SEMA5A: variants seen among roughly 807,000 people sequenced by gnomAD.
The protein encoded by SEMA5A is semaphorin 5A.
SEMA5A carries 55 observed loss-of-function variants against 135.5 expected under a neutral mutation model. The observed-to-expected ratio is 0.41, with a 90% CI of 0.33 to 0.51. The LOEUF is 0.51. Among genes scored for constraint, SEMA5A ranks in the 20% least tolerant of loss-of-function variants. SEMA5A has a pLI of 0.37. For missense variants in SEMA5A, 1,290 were observed against 1,419.9 expected (o/e 0.91, Z 1.47); for synonymous variants, 580 against 546.5 (o/e 1.06, Z -0.85).
At chr5:9,159,348 C>T (rs562708185) in intron 11 of SEMA5A, among the ~76,000 whole-genome samples, 9 of 152,146 alleles carry the variant, frequency 5.9e-5, no homozygotes, top group South Asian at 2.1e-4. Context: ...GGTAGTTGTG[C>T]TTTGATTGCA....
chr5:9,158,416 A>G (rs528929774), intron 11 of SEMA5A, among the ~76,000 whole-genome samples: 182 of 152,174 alleles, frequency 1.2e-3, no homozygotes, highest in African/African-American at 4.2e-3. Context: ...GAAATTTAAT[A>G]CTCTAACCAA....
intron 2 of SEMA5A, among the ~76,000 whole-genome samples, chr5:9,431,238 G>C (rs1377434678): frequency 2.0e-5 from 3 of 152,054 alleles, no homozygotes. Flanking sequence ...GCTGTGATAA[G>C]GGTACCCCAA....
chr5:9,368,489 C>T (rs1755006316), intron 3 of SEMA5A, among the ~76,000 whole-genome samples: 3 of 152,192 alleles, frequency 2.0e-5, no homozygotes, highest in East Asian at 1.9e-4. Context: ...AACCTGTCAC[C>T]ACCTCTTCAT....
At chr5:9,057,239 T>A (rs1016829241) in intron 18 of SEMA5A, among the ~76,000 whole-genome samples, 2 of 152,220 alleles carry the variant, frequency 1.3e-5, no homozygotes, top group African/African-American at 4.8e-5. Flanking sequence ...AATACCGTAT[T>A]GTGCACTCAA....
At chr5:9,354,032 A>T (rs1754334540) in intron 3 of SEMA5A, among the ~76,000 whole-genome samples, 1 of 152,032 alleles carries the variant, frequency 6.6e-6, no homozygotes, top group South Asian at 2.1e-4. Flanking sequence ...TTTATTTCCA[A>T]CAGAGGTGGA....
intron 2 of SEMA5A, among the ~76,000 whole-genome samples, chr5:9,419,501 G>C (rs1475439724): frequency 6.6e-6 from 1 of 152,184 alleles, no homozygotes; most frequent in African/African-American, 2.4e-5. Flanking sequence ...CTGAGCTCAG[G>C]ATGAAAGAGG....
intron 1 of SEMA5A, among the ~76,000 whole-genome samples, chr5:9,504,685 A>G (rs921184718): frequency 3.3e-5 from 5 of 152,238 alleles, no homozygotes; most frequent in African/African-American, 1.2e-4. Flanking sequence ...TGAGTACATG[A>G]GGCTGAAGGA....
At chr5:9,179,750 T>C (rs1252286547) in intron 11 of SEMA5A, among the ~76,000 whole-genome samples, 1 of 152,162 alleles carries the variant, frequency 6.6e-6, no homozygotes, top group Non-Finnish European at 1.5e-5. Flanking sequence ...AAAGAACTAA[T>C]TGTGTTCATG....
chr5:9,125,784 C>T (rs1318821805), intron 13 of SEMA5A, among the ~76,000 whole-genome samples: 1 of 152,068 alleles, frequency 6.6e-6, no homozygotes, highest in Admixed American at 6.5e-5. Context: ...GACAACGTGA[C>T]TCAAGCCACT....
chr5:9,455,447 G>A (rs1022170130), intron 1 of SEMA5A, among the ~76,000 whole-genome samples: 1 of 151,726 alleles, frequency 6.6e-6, no homozygotes, highest in Non-Finnish European at 1.5e-5. Flanking sequence ...TAGTAGAGAC[G>A]GGGTTTCACC....
chr5:9,189,290 A>G (rs1744968301), intron 11 of SEMA5A, among the ~76,000 whole-genome samples: 2 of 152,168 alleles, frequency 1.3e-5, no homozygotes, highest in African/African-American at 4.8e-5. Flanking sequence ...CTAGAACGTA[A>G]GGTCCAGCAG....
intron 1 of SEMA5A, among the ~76,000 whole-genome samples, chr5:9,538,646 G>A (rs1737909385): frequency 6.6e-6 from 1 of 152,216 alleles, no homozygotes; most frequent in African/African-American, 2.4e-5. Context: ...AACATTCAGC[G>A]GCGAGGCTGG....
At chr5:9,165,511 C>T (rs1163106369) in intron 11 of SEMA5A, among the ~76,000 whole-genome samples, 2 of 152,134 alleles carry the variant, frequency 1.3e-5, no homozygotes, top group Non-Finnish European at 2.9e-5. Flanking sequence ...AGACAAGTGG[C>T]ACCCCTGACA....
At chr5:9,287,409 A>T (rs1561109759) in intron 5 of SEMA5A, among the ~76,000 whole-genome samples, 1 of 152,192 alleles carries the variant, frequency 6.6e-6, no homozygotes, top group Non-Finnish European at 1.5e-5. Flanking sequence ...CCTAAAGCTG[A>T]GTATTTCTTT....
At chr5:9,167,345 G>T (rs1209491418) in intron 11 of SEMA5A, among the ~76,000 whole-genome samples, 1 of 152,074 alleles carries the variant, frequency 6.6e-6, no homozygotes, top group Non-Finnish European at 1.5e-5. Context: ...CAGGCGTACC[G>T]CATGCAACTA....
chr5:9,231,392 A>C (rs974712750), intron 6 of SEMA5A, among the ~76,000 whole-genome samples: 2 of 142,658 alleles, frequency 1.4e-5, no homozygotes, highest in African/African-American at 5.2e-5. Flanking sequence ...TCTTGAACTC[A>C]GGAGGCGGAG....
At chr5:9,117,547 A>G (rs999235294) in intron 15 of SEMA5A, among the ~76,000 whole-genome samples, 1 of 152,244 alleles carries the variant, frequency 6.6e-6, no homozygotes, top group African/African-American at 2.4e-5. Flanking sequence ...CAAAGGCTGG[A>G]TGTAGTTTTA....
At chr5:9,277,509 T>G (rs948855872) in intron 5 of SEMA5A, among the ~76,000 whole-genome samples, 5 of 152,194 alleles carry the variant, frequency 3.3e-5, no homozygotes, top group African/African-American at 1.2e-4. Flanking sequence ...TAAAGACACA[T>G]GCACACATAT....
intron 8 of SEMA5A, among the ~76,000 whole-genome samples, chr5:9,218,884 A>G (rs947120233): frequency 6.6e-6 from 1 of 152,244 alleles, no homozygotes; most frequent in Non-Finnish European, 1.5e-5. Context: ...GTCAACAAAC[A>G]TGTATTAACT....
Sources: allele counts gnomAD v4.1 joint callset (sites outside exome capture counted in the v4.1 genomes callset), GRCh38; gene constraint gnomAD v4.1.1; transcripts MANE v1.5; gene names NCBI Gene and HGNC (gene_info 2026-07-23, HGNC 2026-07-21).